GATAD2A: variants seen among roughly 807,000 people sequenced by gnomAD.
GATAD2A encodes GATA zinc finger domain containing 2A.
Under a neutral mutation model 68.5 loss-of-function variants are expected in GATAD2A, and 12 were observed. The ratio of observed to expected loss-of-function variants is 0.18; its 90% CI spans 0.11 to 0.28. GATAD2A has a LOEUF of 0.28. GATAD2A is among the 10% of genes least tolerant of loss of function. GATAD2A has a pLI of 1.00. For missense variants in GATAD2A, 755 were observed against 868.5 expected (o/e 0.87, Z 1.64); for synonymous variants, 410 against 375.3 (o/e 1.09, Z -1.07).
chr19:19,444,146 G>C (rs1227719907), intron 1 of GATAD2A, among the ~76,000 whole-genome samples: 1 of 152,050 alleles, frequency 6.6e-6, no homozygotes, highest in Admixed American at 6.6e-5. Flanking sequence ...TCGCCTCCCT[G>C]CTCAGTACCT....
chr19:19,484,526 T>C (rs1364225364), intron 2 of GATAD2A, among the ~76,000 whole-genome samples: 12 of 146,984 alleles, frequency 8.2e-5, no homozygotes, highest in African/African-American at 2.8e-4. Context: ...TTCTTTTTTT[T>C]TTTTTCTTTT....
At chr19:19,398,008 A>G (rs1197757478) in intron 1 of GATAD2A, among the ~76,000 whole-genome samples, 2 of 151,466 alleles carry the variant, frequency 1.3e-5, no homozygotes, top group East Asian at 1.9e-4. Flanking sequence ...GGTTCAAGCA[A>G]TTTTCCTGCC....
intron 7 of GATAD2A, among the ~76,000 whole-genome samples, chr19:19,496,883 CTT>C (rs777380903): frequency 2.0e-5 from 3 of 152,310 alleles, no homozygotes; most frequent in Non-Finnish European, 2.9e-5. Context: ...TTTCTTCCCT[CTT>C]TGGCACAGTT....
At chr19:19,412,583 G>T (rs569720105) in intron 1 of GATAD2A, among the ~76,000 whole-genome samples, 44 of 152,152 alleles carry the variant, frequency 2.9e-4, no homozygotes, top group Non-Finnish European at 5.0e-4. Context: ...AGTGAGAGGA[G>T]ATCATGCCAT....
intron 2 of GATAD2A, among the ~76,000 whole-genome samples, chr19:19,469,538 G>A (rs897607333): frequency 2.0e-5 from 3 of 151,976 alleles, no homozygotes; most frequent in African/African-American, 7.3e-5. Flanking sequence ...GAACAAACAA[G>A]AGGACATGTA....
intron 1 of GATAD2A, among the ~76,000 whole-genome samples, chr19:19,453,969 T>TTG (rs1015622153): frequency 4.8e-5 from 7 of 146,698 alleles, no homozygotes; most frequent in African/African-American, 1.9e-4. Context: ...GCCAAATTTT[T>TTG]TGTGTTTTTT....
chr19:19,473,776 A>T (rs889434461), intron 2 of GATAD2A, among the ~76,000 whole-genome samples: 1 of 95,728 alleles, frequency 1.0e-5, no homozygotes, highest in African/African-American at 4.5e-5. Flanking sequence ...TCTCTACTTA[A>T]AAAAAAAAAA....
At chr19:19,388,153 G>A (rs997254496) in intron 1 of GATAD2A, among the ~76,000 whole-genome samples, 1 of 151,632 alleles carries the variant, frequency 6.6e-6, no homozygotes, top group Non-Finnish European at 1.5e-5. Context: ...CGCCTCCTGG[G>A]TTCAAGCAAT....
intron 1 of GATAD2A, chr19:19,429,164 G>A: frequency 1.0e-6 from 1 of 984,194 alleles, no homozygotes; most frequent in Middle Eastern, 5.2e-4. Flanking sequence ...TGTGTCCATG[G>A]AGCATGGAGC....
At chr19:19,446,538 G>A (rs2055742200) in intron 1 of GATAD2A, among the ~76,000 whole-genome samples, 1 of 151,562 alleles carries the variant, frequency 6.6e-6, no homozygotes, top group Non-Finnish European at 1.5e-5. Flanking sequence ...TTTTGATGCA[G>A]TCCAAATTAT....
rs146175754 is a variant in GATAD2A at position 19,417,396 on chromosome 19, C to T, written c.-7+11377C>T. 2.6e-3 allele frequency among the ~76,000 whole-genome samples: 393 copies of T among 152,042 alleles called. 3 individuals carry two copies. In the South Asian group the frequency reaches 0.041, roughly 16 times the overall value. The stretch of plus-strand genomic sequence containing the variant: ...CTGAAAAAGATGGGGCATCTGATTA[C>T]CCCCCCACCCACTATTCTGAGAAGA... On this transcript the variant is annotated intron_variant, in intron 1 of 11. Coordinates refer to ENST00000683918, the MANE Select transcript of GATAD2A (RefSeq NM_001384528.1).
chr19:19,431,693 C>CAA (rs538655876), intron 1 of GATAD2A, among the ~76,000 whole-genome samples: 123 of 90,282 alleles, frequency 1.4e-3, no homozygotes, highest in East Asian at 4.9e-3. Context: ...GACTTGGTCT[C>CAA]AAAAAAAAAA....
At chr19:19,486,951 C>T (rs2059480325) in intron 2 of GATAD2A, among the ~76,000 whole-genome samples, 2 of 152,230 alleles carry the variant, frequency 1.3e-5, no homozygotes, top group Admixed American at 1.3e-4. Flanking sequence ...TGAGGGCTCT[C>T]TCCACAGCCT....
chr19:19,465,849 G>A, intron 2 of GATAD2A, among the ~76,000 whole-genome samples: 1 of 152,234 alleles, frequency 6.6e-6, no homozygotes, highest in East Asian at 1.9e-4. Context: ...GAGAAGGAGT[G>A]GCACATTCCA....
chr19:19,483,114 C>T (rs973429348), intron 2 of GATAD2A, among the ~76,000 whole-genome samples: 76 of 152,278 alleles, frequency 5.0e-4, no homozygotes, highest in African/African-American at 1.8e-3. Context: ...ATGCTGGGGG[C>T]GGGCACTGCA....
chr19:19,386,818 AACTC>A (rs1336353182), intron 1 of GATAD2A, among the ~76,000 whole-genome samples: 6 of 151,752 alleles, frequency 4.0e-5, no homozygotes, highest in Non-Finnish European at 5.9e-5. Flanking sequence ...GACAGGAACT[AACTC>A]CCTTCTTTGG....
Position 19,501,295 on chromosome 19 carries a change from C to T in GATAD2A, c.1382C>T (p.Ala461Val), listed in dbSNP as rs752702588. The T allele has an allele frequency of 1.9e-6, 3 of 1,613,246 alleles. No homozygotes were observed. The highest frequency in any genetic ancestry group is 2.5e-6 in the Non-Finnish European group (3 of 1,179,970). ...GTGGAGCACACCAGCCGGCTGAAGGCCGCCTTTGTGAAGGCGCTGCAGCAG... is the reference window on the plus strand; with the variant it reads ...GTGGAGCACACCAGCCGGCTGAAGGTCGCCTTTGTGAAGGCGCTGCAGCAG... ...LKVEHTSRLK[A>V]AFVKALQQEQ... The change falls in exon 9 of 12, where the codon GCC (alanine) becomes GTC (valine). Residue 461 changes from alanine to valine, a missense_variant. By Grantham distance (64) the Ala-to-Val change is moderately conservative (BLOSUM62 0). Transcript: ENST00000683918.
At chr19:19,500,192 G>A (rs566195120) in intron 8 of GATAD2A, among the ~76,000 whole-genome samples, 1 of 152,346 alleles carries the variant, frequency 6.6e-6, no homozygotes, top group East Asian at 1.9e-4. Context: ...AGAGCCCCCA[G>A]CCTCGCACCA....
intron 1 of GATAD2A, among the ~76,000 whole-genome samples, chr19:19,463,522 G>T (rs953243198): frequency 7.2e-5 from 11 of 152,160 alleles, no homozygotes; most frequent in Non-Finnish European, 1.0e-4. Flanking sequence ...GGGCGGGGGT[G>T]GACAGGGTGG....
Sources: gnomAD v4.1 joint callset for allele counts (sites outside exome capture counted in the v4.1 genomes callset) on GRCh38, gnomAD v4.1.1 for gene constraint, MANE v1.5 for transcripts, NCBI Gene and HGNC (gene_info 2026-07-23, HGNC 2026-07-21) for gene names.